Variants in SLC30A8 observed in about 807,000 individuals in gnomAD.
SLC30A8 encodes the protein solute carrier family 30 member 8.
Under a neutral mutation model 36.9 loss-of-function variants are expected in SLC30A8, and 27 were observed. That is an observed-to-expected ratio of 0.73 (90% CI 0.54 to 1.01). SLC30A8 has a LOEUF of 1.01. Among genes scored for constraint, SLC30A8 ranks in the 50% least tolerant of loss-of-function variants. The pLI is 0.00. For missense variants in SLC30A8, 439 were observed against 452.0 expected, an observed-to-expected ratio of 0.97 and a Z score of 0.26; for synonymous variants, 164 against 172.4, an observed-to-expected ratio of 0.95 and a Z score of 0.38.
chr8:116,973,518 G>T (rs928338632), intron 1 of SLC30A8, among the ~76,000 whole-genome samples: 1 of 152,034 alleles, frequency 6.6e-6, no homozygotes, highest in Admixed American at 6.6e-5. Context: ...ACTACAAACC[G>T]CTGCTCAACG....
At chr8:117,094,342 GCAGCTCAGAGGAGAA>G (rs1819265099) in intron 2 of SLC30A8, among the ~76,000 whole-genome samples, 1 of 152,278 alleles carries the variant, frequency 6.6e-6, no homozygotes, top group Admixed American at 6.5e-5. Context: ...TTATTGAGCA[GCAGCTCAGAGGAGAA>G]CAGCTCAGAG....
chr8:116,953,480 G>A (rs1814072438), intron 1 of SLC30A8, among the ~76,000 whole-genome samples: 1 of 151,910 alleles, frequency 6.6e-6, no homozygotes, highest in Non-Finnish European at 1.5e-5. Context: ...CATTTCCTTT[G>A]ATGTTGATAA....
chr8:117,171,358 C>G (rs1219188463), intron 7 of SLC30A8, among the ~76,000 whole-genome samples, 190 bp downstream of exon 7: 2 of 152,006 alleles, frequency 1.3e-5, no homozygotes, highest in African/African-American at 4.8e-5. Context: ...ATGATACCCA[C>G]GACATTCTTG....
intron 2 of SLC30A8, among the ~76,000 whole-genome samples, chr8:117,060,532 G>A (rs948681697): frequency 8.5e-5 from 13 of 152,264 alleles, no homozygotes; most frequent in Non-Finnish European, 1.8e-4. Context: ...CCAATTTGTA[G>A]TAAATATTGC....
At chr8:117,058,364 A>T (rs894334473) in intron 2 of SLC30A8, among the ~76,000 whole-genome samples, 2 of 152,040 alleles carry the variant, frequency 1.3e-5, no homozygotes, top group Non-Finnish European at 1.5e-5. Flanking sequence ...TTTCTTTGCT[A>T]TGCAAAAACT....
chr8:116,952,781 A>G (rs1814039950), intron 1 of SLC30A8, among the ~76,000 whole-genome samples: 1 of 152,136 alleles, frequency 6.6e-6, no homozygotes, highest in South Asian at 2.1e-4. Context: ...TACCTTCTAG[A>G]TAATGTGAGT....
intron 2 of SLC30A8, among the ~76,000 whole-genome samples, chr8:117,083,590 A>C (rs1343941440): frequency 1.3e-5 from 2 of 152,162 alleles, no homozygotes; most frequent in African/African-American, 2.4e-5. Flanking sequence ...TATCAATTAG[A>C]GTTCCCTCCC....
intron 2 of SLC30A8, among the ~76,000 whole-genome samples, chr8:117,095,528 AGTT>A (rs1819323503): frequency 6.6e-6 from 1 of 152,170 alleles, no homozygotes; most frequent in Admixed American, 6.5e-5. Context: ...TCTTGACAAA[AGTT>A]GTCATTCATT....
chr8:117,007,226 A>T (rs1475388325), intron 1 of SLC30A8: 1 of 151,946 alleles, frequency 6.6e-6, no homozygotes, highest in African/African-American at 2.4e-5. Context: ...CAAGTAAGAG[A>T]GATAGAGATG....
intron 2 of SLC30A8, among the ~76,000 whole-genome samples, chr8:117,148,025 C>A (rs1821983739): frequency 6.6e-6 from 1 of 151,680 alleles, no homozygotes; most frequent in African/African-American, 2.4e-5. Flanking sequence ...GGATGTTAGA[C>A]CTTTGTTATA....
chr8:117,172,438 C>T, intron 7 of SLC30A8, 98 bp from the exon 8 acceptor site: 2 of 1,539,038 alleles, frequency 1.3e-6, no homozygotes, highest in Non-Finnish European at 1.8e-6. Flanking sequence ...TCTGCCCCAC[C>T]CCAGCAGGTC....
intron 1 of SLC30A8, among the ~76,000 whole-genome samples, chr8:117,024,245 G>A (rs903094634): frequency 6.6e-6 from 1 of 152,178 alleles, no homozygotes; most frequent in East Asian, 1.9e-4. Flanking sequence ...AATGGTAAAC[G>A]ATTTTAGGAA....
chr8:116,998,616 A>G (rs1046333416), intron 1 of SLC30A8, among the ~76,000 whole-genome samples: 1 of 152,194 alleles, frequency 6.6e-6, no homozygotes, highest in Non-Finnish European at 1.5e-5. Flanking sequence ...GTAGATTTGC[A>G]TATGTAATTA....
At chr8:116,981,272 G>T (rs1424454670) in intron 1 of SLC30A8, among the ~76,000 whole-genome samples, 3 of 152,166 alleles carry the variant, frequency 2.0e-5, no homozygotes, top group African/African-American at 7.2e-5. Flanking sequence ...TAGAGAACCA[G>T]GTGGAAGCTA....
At chr8:117,046,275 C>CT (rs1352700535) in intron 2 of SLC30A8, among the ~76,000 whole-genome samples, 3 of 152,174 alleles carry the variant, frequency 2.0e-5, no homozygotes, top group Non-Finnish European at 4.4e-5. Flanking sequence ...GGGGTGGACC[C>CT]CCCCACCGCC....
At chr8:117,116,062 C>T (rs1407390744) in intron 2 of SLC30A8, among the ~76,000 whole-genome samples, 4 of 151,924 alleles carry the variant, frequency 2.6e-5, no homozygotes, top group African/African-American at 9.7e-5. Context: ...TTCTGTACGC[C>T]CTTTCTTGAA....
chr8:117,128,088 T>G (rs1820980848), intron 2 of SLC30A8, among the ~76,000 whole-genome samples: 1 of 152,034 alleles, frequency 6.6e-6, no homozygotes, highest in Admixed American at 6.6e-5. Context: ...ACGTGGCGAT[T>G]GTTGGGTTGA....
In SLC30A8 at chr8:117,048,204, G is replaced by A. The variant is rs3019888; in HGVS notation, c.-226+8946G>A. Among the ~76,000 whole-genome samples the A allele has an allele frequency of 6.6e-3, 1,001 of 152,224 alleles. 22 individuals carry two copies. The highest frequency in any genetic ancestry group is 0.05 in the Admixed American group (760 of 15,278). ...GGGTCTGGATTGGGACCCCTTTCTG[G>A]TAACAATTTGACTTTAGTAGCATTC... On this transcript the variant is annotated intron_variant, in intron 2 of 10. Transcript: ENST00000427715.
At chr8:117,100,926 T>G (rs1019082979) in intron 2 of SLC30A8, among the ~76,000 whole-genome samples, 6 of 152,172 alleles carry the variant, frequency 3.9e-5, no homozygotes, top group African/African-American at 1.4e-4. Context: ...CATTATGCTC[T>G]GTAGTGTCCT....
Sources: allele counts gnomAD v4.1 joint callset (sites outside exome capture counted in the v4.1 genomes callset), GRCh38; gene constraint gnomAD v4.1.1; transcripts MANE v1.5; gene names NCBI Gene and HGNC (gene_info 2026-07-23, HGNC 2026-07-21).